Variants in RHBDD1 observed in about 807,000 individuals in gnomAD.
RHBDD1 encodes rhomboid domain containing 1, also known as rhomboid-related protein 4.
RHBDD1 carries 38 observed loss-of-function variants against 36.3 expected under a neutral mutation model. That is an observed-to-expected ratio of 1.05 (90% confidence interval 0.81 to 1.37). The LOEUF is 1.37. Among genes scored for constraint, RHBDD1 ranks in the 40% most tolerant of loss-of-function variants. The pLI, the probability that RHBDD1 is intolerant of heterozygous loss-of-function variation, is 0.00. For missense variants in RHBDD1, 393 were observed against 377.6 expected (o/e 1.04, Z -0.34); for synonymous variants, 151 against 136.5 (o/e 1.11, Z -0.74).
At chr2:226,930,413 C>T (rs1455810644) in intron 8 of RHBDD1, among the ~76,000 whole-genome samples, 1 of 151,996 alleles carries the variant, frequency 6.6e-6, no homozygotes, top group Non-Finnish European at 1.5e-5. Flanking sequence ...AATGGACACC[C>T]TATTCAATAA....
At chr2:226,858,916 G>C (rs2125159961) in intron 3 of RHBDD1, among the ~76,000 whole-genome samples, 1 of 152,078 alleles carries the variant, frequency 6.6e-6, no homozygotes, top group South Asian at 2.1e-4. Context: ...AAATAGTTCT[G>C]GCAAAGCAAC....
the RHBDD1 span, among the ~76,000 whole-genome samples, chr2:226,819,507 A>T: frequency 1.3e-5 from 2 of 152,222 alleles, no homozygotes; most frequent in African/African-American, 4.8e-5. Context: ...CTGATGTGTC[A>T]ATGTAGGTTC....
chr2:226,988,595 G>A (rs148596402), intron 8 of RHBDD1: 7 of 1,361,040 alleles, frequency 5.1e-6, no homozygotes, highest in Non-Finnish European at 5.7e-6. Flanking sequence ...AGAAGAGGCC[G>A]GGGGCTCCAG....
intron 8 of RHBDD1, among the ~76,000 whole-genome samples, chr2:226,983,056 C>T (rs1956135693): frequency 6.6e-6 from 1 of 152,208 alleles, no homozygotes; most frequent in Admixed American, 6.5e-5. Context: ...TTGTACTAAA[C>T]CAAATGCCAT....
At chr2:226,962,426 T>C (rs1299844798) in intron 8 of RHBDD1, among the ~76,000 whole-genome samples, 1 of 152,362 alleles carries the variant, frequency 6.6e-6, no homozygotes, top group East Asian at 1.9e-4. Context: ...TTAATACAAG[T>C]AATTAGCCCT....
intron 8 of RHBDD1, among the ~76,000 whole-genome samples, chr2:226,960,327 T>C (rs1952101474): frequency 6.6e-6 from 1 of 152,244 alleles, no homozygotes; most frequent in Non-Finnish European, 1.5e-5. Flanking sequence ...TGAATAATTA[T>C]GTTGAACATC....
rs1372808327 is a variant in RHBDD1 at position 226,839,534 on chromosome 2, C to T, written c.-184C>T. 1.3e-5 allele frequency: 2 copies of T among 152,040 alleles called. No individual in the cohort carries two copies. Among genetic ancestry groups the T allele is most frequent in the African/African-American group, 2.4e-5 (1 of 41,372 alleles). The allele number at this position is 152,040 out of a possible 1,614,324, so 9.4% of individuals were successfully genotyped here. ...ATTAGGAGGCGTGCCTAGGGAACCTCGGATTCCGGGGAGCTGGACGTGAAA... is the reference window on the plus strand; with the variant it reads ...ATTAGGAGGCGTGCCTAGGGAACCTTGGATTCCGGGGAGCTGGACGTGAAA... On this transcript the variant is annotated 5_prime_UTR_variant, in exon 3 of 9. Transcript: ENST00000392062.
rs561561542 is a variant in RHBDD1 at position 226,946,628 on chromosome 2, T to C, written c.856+32277T>C. The stretch of plus-strand genomic sequence containing the variant: ...AAGAAGAAAAGAGAGAAGAATCAAA[T>C]AGACACAATAAAAAATGATAAAGGG... On this transcript the variant is annotated intron_variant, in intron 8 of 8. Transcript: ENST00000392062. 5.9e-5 allele frequency among the ~76,000 whole-genome samples: 9 copies of C among 152,130 alleles called. No homozygotes were observed. The East Asian group carries it at 1.2e-3, about 20-fold the overall frequency.
intron 8 of RHBDD1, among the ~76,000 whole-genome samples, chr2:226,915,884 G>T (rs184384189): frequency 6.6e-6 from 1 of 152,180 alleles, no homozygotes; most frequent in Non-Finnish European, 1.5e-5. Flanking sequence ...ATTTGTTCTT[G>T]CTCATGAGTA....
At chr2:226,831,915 T>A (rs1255429709), upstream of RHBDD1, among the ~76,000 whole-genome samples, 1 of 152,016 alleles carries the variant, frequency 6.6e-6, no homozygotes, top group Non-Finnish European at 1.5e-5. Context: ...TTGGTCTTTT[T>A]AATTTTTTGG....
chr2:226,849,779 A>C (rs1942622403), intron 3 of RHBDD1, among the ~76,000 whole-genome samples: 1 of 151,948 alleles, frequency 6.6e-6, no homozygotes, highest in South Asian at 2.1e-4. Context: ...ATATCTATAT[A>C]TCTATATCTA....
At chr2:226,848,981 A>G (rs897588395) in intron 3 of RHBDD1, among the ~76,000 whole-genome samples, 4 of 152,220 alleles carry the variant, frequency 2.6e-5, no homozygotes, top group African/African-American at 7.2e-5. Flanking sequence ...GTGTTTTAGA[A>G]TAACTATCAA....
chr2:226,885,278 C>G (rs537797927), intron 5 of RHBDD1, among the ~76,000 whole-genome samples: 2 of 152,172 alleles, frequency 1.3e-5, no homozygotes, highest in South Asian at 4.1e-4. Flanking sequence ...GCATGTGTAT[C>G]AAGATTTGTA....
chr2:226,882,017 G>A (rs1022357426), intron 5 of RHBDD1, among the ~76,000 whole-genome samples: 13 of 152,148 alleles, frequency 8.5e-5, no homozygotes, highest in African/African-American at 3.1e-4. Context: ...ACAATGTTAG[G>A]TTCTATAAGT....
chr2:226,960,339 TTTC>T (rs762369867), intron 8 of RHBDD1, among the ~76,000 whole-genome samples: 79 of 152,238 alleles, frequency 5.2e-4, no homozygotes, highest in Non-Finnish European at 6.5e-4. Flanking sequence ...TTGAACATCT[TTTC>T]TTGTGTTGAT....
intron 8 of RHBDD1, among the ~76,000 whole-genome samples, chr2:226,986,771 G>A (rs901839696): frequency 6.6e-6 from 1 of 152,208 alleles, no homozygotes; most frequent in Non-Finnish European, 1.5e-5. Context: ...AGATAGTGTG[G>A]CGATTCCTCA....
At chr2:226,803,088 G>C in the RHBDD1 span, among the ~76,000 whole-genome samples, 2 of 152,104 alleles carry the variant, frequency 1.3e-5, no homozygotes, top group African/African-American at 2.4e-5. Context: ...AAATACTGGC[G>C]TCTCTTAGAA....
intron 8 of RHBDD1, among the ~76,000 whole-genome samples, chr2:226,925,102 T>C (rs1019350722): frequency 6.6e-6 from 1 of 152,234 alleles, no homozygotes; most frequent in Non-Finnish European, 1.5e-5. Flanking sequence ...TCACCACATT[T>C]AATGTTGGTA....
intron 8 of RHBDD1, among the ~76,000 whole-genome samples, chr2:226,957,639 A>T (rs1365035755): frequency 6.6e-6 from 1 of 152,194 alleles, no homozygotes; most frequent in African/African-American, 2.4e-5. Flanking sequence ...AATATTTGCA[A>T]ACCATGTATC....
Sources: allele counts gnomAD v4.1 joint callset (sites outside exome capture counted in the v4.1 genomes callset), GRCh38; gene constraint gnomAD v4.1.1; transcripts MANE v1.5; gene names NCBI Gene and HGNC (gene_info 2026-07-23, HGNC 2026-07-21).